The following POLK variants were observed in gnomAD, a reference collection of about 807,000 sequenced individuals.
POLK encodes DNA polymerase kappa, also known as polymerase (DNA directed) kappa.
POLK carries 76 observed loss-of-function variants against 94.0 expected under a neutral mutation model. The observed-to-expected ratio is 0.81, with a 90% CI of 0.67 to 0.98. The LOEUF is 0.98. POLK is among the 50% of genes least tolerant of loss of function. POLK has a pLI of 0.00. For missense variants in POLK, 954 were observed against 1,010.1 expected (o/e 0.94, Z 0.75); for synonymous variants, 349 against 325.4 (o/e 1.07, Z -0.78).
chr5:75,606,498 C>T, the POLK span, among the ~76,000 whole-genome samples: 6 of 92,626 alleles, frequency 6.5e-5, no homozygotes, highest in East Asian at 1.3e-3. Context: ...GAGGTCCCTG[C>T]GGCCTTCCGC....
At chr5:75,609,738 C>A in the POLK span, 1 of 152,088 alleles carries the variant, frequency 6.6e-6, no homozygotes, top group South Asian at 2.1e-4. Flanking sequence ...AGGCCCATTT[C>A]CCTTTTTTAA....
rs1032223676 is a variant in POLK at position 75,520,518 on chromosome 5, C to T, written c.-14+8604C>T. Among the ~76,000 whole-genome samples the T allele has an allele frequency of 3.9e-5, 6 of 152,228 alleles. No homozygotes were observed. The East Asian group carries it at 1.2e-3, about 29-fold the overall frequency. On this transcript the variant is annotated intron_variant, in intron 1 of 14. Transcript: ENST00000241436. ...CAAATGATTCTCCCACCTTAGCCTC[C>T]CAAGTATCTGGGACTACAGGCATTT...
At chr5:75,560,092 A>G (rs116503100) in intron 3 of POLK, among the ~76,000 whole-genome samples, 3,267 of 152,342 alleles carry the variant, frequency 0.021, 65 homozygotes, top group Non-Finnish European at 0.033. Flanking sequence ...CAGACTTCAG[A>G]GTAACCTGGT....
intron 1 of POLK, among the ~76,000 whole-genome samples, chr5:75,537,752 T>C (rs888899906): frequency 6.6e-6 from 1 of 152,252 alleles, no homozygotes; most frequent in African/African-American, 2.4e-5. Flanking sequence ...GAAAGTATTT[T>C]AGTAGTGTTA....
rs749180721 is a variant in POLK, at chr5:75,569,328, T to C, written c.256-12T>C. ...TTGTCTAAAAGTATGTTAACTTTTT[T>C]AAAAAATTAAGGTTGACAGATTTGC... On this transcript the variant is annotated splice_polypyrimidine_tract_variant and intron_variant, in intron 3 of 14. Transcript: ENST00000241436. 1.3e-6 allele frequency: 2 copies of C among 1,591,162 alleles called. No individual in the cohort carries two copies. The highest frequency in any genetic ancestry group is 1.7e-6 in the Non-Finnish European group (2 of 1,166,520).
chr5:75,544,440 G>A (rs569065743), intron 1 of POLK, among the ~76,000 whole-genome samples: 1 of 152,094 alleles, frequency 6.6e-6, no homozygotes, highest in Non-Finnish European at 1.5e-5. Context: ...TGAGTAGTTT[G>A]AGACCAGCCT....
intron 3 of POLK, among the ~76,000 whole-genome samples, chr5:75,559,328 C>G (rs541800952): frequency 1.2e-4 from 18 of 152,192 alleles, no homozygotes; most frequent in Admixed American, 5.9e-4. Flanking sequence ...GTATACTCCA[C>G]CCTTTCCCAA....
intron 2 of POLK, among the ~76,000 whole-genome samples, chr5:75,547,512 T>C (rs1447239559): frequency 2.0e-5 from 3 of 152,200 alleles, no homozygotes; most frequent in African/African-American, 4.8e-5. Flanking sequence ...TCATTCTTTG[T>C]ATGCCTGTGT....
chr5:75,584,870 A>G (rs141290112), exon 9 of POLK: 40 of 1,607,842 alleles, frequency 2.5e-5, no homozygotes, highest in Non-Finnish European at 3.0e-5. Context: ...TCTCTGAAAC[A>G]TCTTGGCATT....
In POLK at chr5:75,587,017, CATT is replaced by C; in HGVS notation, c.1227-8_1227-6del. 1 of 1,524,412 alleles carries C rather than the reference CATT, an allele frequency of 6.6e-7. No individual in the cohort carries two copies. The highest frequency in any genetic ancestry group is 8.9e-7 in the Non-Finnish European group (1 of 1,128,848). The allele number at this position is 1,524,412 out of a possible 1,614,324, so 94.4% of individuals were successfully genotyped here. A position where few individuals can be genotyped will look rare whatever the true frequency, so the allele number is the denominator to read the frequency against. ...TTGAAAAATAAAGACCTTTTTTTTT[CATT>C]TCAAGGGATGGAGAGAGGAAAAGTA... On this transcript the variant is annotated splice_polypyrimidine_tract_variant and splice_region_variant and intron_variant, in intron 9 of 14. Transcript: ENST00000241436.
chr5:75,537,911 C>G (rs1769532656), intron 1 of POLK, among the ~76,000 whole-genome samples: 1 of 151,516 alleles, frequency 6.6e-6, no homozygotes, highest in African/African-American at 2.4e-5. Context: ...GGTTGGAGTG[C>G]ACTGGCGCAA....
chr5:75,598,249 G>C (rs1056704118), exon 15 of POLK: 6 of 244,012 alleles, frequency 2.5e-5, no homozygotes, highest in African/African-American at 1.3e-4. Flanking sequence ...ATCCTGTTAA[G>C]AGATAATTCT....
At chr5:75,569,660 G>C (rs1015235449) in intron 4 of POLK, among the ~76,000 whole-genome samples, 168 bp downstream of exon 4, 3 of 152,120 alleles carry the variant, frequency 2.0e-5, no homozygotes, top group Non-Finnish European at 4.4e-5. Context: ...CTTTAAGGCA[G>C]GGGACCCCAA....
chr5:75,597,277 G>A (rs1339960083), intron 13 of POLK, 99 bp downstream of exon 13: 1 of 709,610 alleles, frequency 1.4e-6, no homozygotes, highest in African/African-American at 1.8e-5. Context: ...ACTATTAAAT[G>A]GGTAGTTTGT....
At chr5:75,590,528 C>T (rs1438099495) in intron 11 of POLK, 88 bp downstream of exon 11, 2 of 768,618 alleles carry the variant, frequency 2.6e-6, no homozygotes, top group South Asian at 2.9e-5. Flanking sequence ...TTACACATTT[C>T]TTAAAGATGA....
intron 6 of POLK, among the ~76,000 whole-genome samples, chr5:75,578,507 T>C (rs1772028596): frequency 6.6e-6 from 1 of 152,234 alleles, no homozygotes; most frequent in African/African-American, 2.4e-5. Flanking sequence ...TATGAATATG[T>C]GAATTTTTAA....
At chr5:75,516,662 C>G (rs760756322) in intron 1 of POLK, among the ~76,000 whole-genome samples, 1 of 151,784 alleles carries the variant, frequency 6.6e-6, no homozygotes, top group African/African-American at 2.4e-5. Flanking sequence ...GAGACCCTGT[C>G]TCCAAAAACA....
At chr5:75,583,218 TTC>T (rs1454988120) in intron 7 of POLK, 73 bp from the exon 8 acceptor site, 15 of 1,122,704 alleles carry the variant, frequency 1.3e-5, no homozygotes, top group Admixed American at 5.3e-5. Context: ...AACTTTTTTT[TTC>T]TGTTTTGTTA....
intron 3 of POLK, among the ~76,000 whole-genome samples, chr5:75,555,236 A>T (rs1313309081): frequency 6.6e-6 from 1 of 152,126 alleles, no homozygotes; most frequent in Non-Finnish European, 1.5e-5. Context: ...AGTGAGGTGC[A>T]TCCACCATTA....
Sources: allele counts gnomAD v4.1 joint callset (sites outside exome capture counted in the v4.1 genomes callset), GRCh38; gene constraint gnomAD v4.1.1; transcripts MANE v1.5; gene names NCBI Gene and HGNC (gene_info 2026-07-23, HGNC 2026-07-21).